Variants in RECQL observed in about 807,000 individuals in gnomAD.
RECQL encodes the protein RecQ like helicase.
Under a neutral mutation model 75.8 loss-of-function variants are expected in RECQL, and 73 were observed. The ratio of observed to expected loss-of-function variants is 0.96; its 90% CI spans 0.80 to 1.17. RECQL has a LOEUF of 1.17. Among genes scored for constraint, RECQL ranks in the 50% most tolerant of loss-of-function variants. RECQL has a pLI of 0.00. For missense variants in RECQL, 699 were observed against 772.1 expected (o/e 0.91, Z 1.12); for synonymous variants, 248 against 254.4 (o/e 0.97, Z 0.24).
Position 21,471,441 on chromosome 12 carries a change from G to A in RECQL, c.1654C>T (p.Gln552Ter), listed in dbSNP as rs1942959589. ...GTTTGTACATACTTAAGATACTGCT[G>A]TATTAGAAAGTGTGCAATAATCTTC... ...LEKIIAHFLI[Q>*]QYLKEDYSFT... Residue 552 changes from glutamine to a stop codon, truncating the protein, a stop_gained, in exon 13 of 15, where the codon CAG becomes TAG. Coordinates refer to ENST00000444129, the MANE Select transcript of RECQL (RefSeq NM_002907.4). LOFTEE classifies it high-confidence loss of function. 1.2e-6 allele frequency: 2 copies of A among 1,612,070 alleles called. No individual in the cohort carries two copies. The highest frequency in any genetic ancestry group is 2.2e-5 in the East Asian group (1 of 44,854).
chr12:21,469,999 A>G lies in RECQL; in HGVS notation c.*195T>C. 1 of 698,150 alleles carries G rather than the reference A, an allele frequency of 1.4e-6. No individual in the cohort carries two copies. Among genetic ancestry groups the G allele is most frequent in the Non-Finnish European group, 2.1e-6 (1 of 475,194 alleles). 43.2% of individuals were successfully genotyped at this position (698,150 alleles called of 1,614,324 possible). A position where few individuals can be genotyped will look rare whatever the true frequency, so the allele number is the denominator to read the frequency against. ...AAATTTTTCCCTTGTTTTATACTGG[A>G]AAATTATATAATTCATGATCTCTAA... On this transcript the variant is annotated 3_prime_UTR_variant, in exon 15 of 15. Transcript: ENST00000444129.
intron 5 of RECQL, among the ~76,000 whole-genome samples, chr12:21,485,208 T>A (rs1381244758): frequency 9.0e-6 from 1 of 110,642 alleles, no homozygotes; most frequent in Non-Finnish European, 1.9e-5. Context: ...AGTATACTCT[T>A]GCAAAAAAAA....
intron 2 of RECQL, among the ~76,000 whole-genome samples, chr12:21,494,758 A>G (rs1368992592): frequency 6.6e-6 from 1 of 152,182 alleles, no homozygotes; most frequent in African/African-American, 2.4e-5. Context: ...AAATACAGTC[A>G]TGAGCAGAGC....
At chr12:21,483,243 A>G in intron 6 of RECQL, 133 bp downstream of exon 6, 1 of 712,584 alleles carries the variant, frequency 1.4e-6, no homozygotes, top group Non-Finnish European at 2.3e-6. Flanking sequence ...GGTTCCGAAC[A>G]TTCTGGATAA....
chr12:21,486,331 G>C (rs1310814798), intron 5 of RECQL, 148 bp downstream of exon 5: 29 of 922,854 alleles, frequency 3.1e-5, no homozygotes, highest in Admixed American at 4.0e-5. Flanking sequence ...AAAATAGACA[G>C]TGGGCCAGAA....
chr12:21,481,600 C>T (rs150426738), intron 6 of RECQL, among the ~76,000 whole-genome samples: 274 of 152,054 alleles, frequency 1.8e-3, no homozygotes, highest in African/African-American at 6.2e-3. Flanking sequence ...GTATACATCC[C>T]GTTTAAGGCA....
At chr12:21,486,969 G>A (rs973849735) in intron 4 of RECQL, among the ~76,000 whole-genome samples, 12 of 151,934 alleles carry the variant, frequency 7.9e-5, no homozygotes, top group South Asian at 4.2e-4. Flanking sequence ...TACCACGCCC[G>A]GCCCATTCAC....
chr12:21,486,321 A>G (rs1943295347), intron 5 of RECQL, among the ~76,000 whole-genome samples, 158 bp downstream of exon 5: 1 of 152,166 alleles, frequency 6.6e-6, no homozygotes, highest in Non-Finnish European at 1.5e-5. Context: ...GGGACATACA[A>G]AAATAGACAG....
intron 2 of RECQL, among the ~76,000 whole-genome samples, chr12:21,496,420 G>C (rs774094972): frequency 2.6e-5 from 4 of 152,336 alleles, no homozygotes; most frequent in Non-Finnish European, 5.9e-5. Flanking sequence ...TGCTGAGCCA[G>C]CAATGTATCT....
chr12:21,477,972 GA>G lies in RECQL; in HGVS notation c.701-4del, dbSNP rs1424768811. On this transcript the variant is annotated splice_polypyrimidine_tract_variant and splice_region_variant and intron_variant, in intron 6 of 14. Coordinates refer to ENST00000444129, the MANE Select transcript of RECQL (RefSeq NM_002907.4). The stretch of plus-strand genomic sequence containing the variant: ...TAAGATACCAAGTGCCTTATAATCT[GA>G]AAAAACAAACAAAGTGGCCCTTTTT... The G allele has an allele frequency of 1.1e-5, 17 of 1,589,694 alleles. No individual in the cohort carries two copies. The highest frequency in any genetic ancestry group is 1.5e-5 in the Non-Finnish European group (17 of 1,171,536).
intron 9 of RECQL, 27 bp downstream of exon 9, chr12:21,475,649 G>A (rs1364282808): frequency 3.7e-6 from 6 of 1,610,538 alleles, no homozygotes; most frequent in African/African-American, 1.3e-5. Context: ...AGGTAAATTA[G>A]GCTTCTATGG....
At chr12:21,498,274 A>G (rs914158977) in intron 2 of RECQL, among the ~76,000 whole-genome samples, 3 of 152,224 alleles carry the variant, frequency 2.0e-5, no homozygotes, top group African/African-American at 7.2e-5. Flanking sequence ...CTGGACTAGT[A>G]GCCTCCAGGA....
intron 6 of RECQL, among the ~76,000 whole-genome samples, chr12:21,481,787 G>T (rs751778337): frequency 1.3e-5 from 2 of 152,086 alleles, no homozygotes; most frequent in Non-Finnish European, 2.9e-5. Context: ...CAGGAAGAGC[G>T]AAGGAGGTGA....
chr12:21,481,571 G>A (rs749488744), intron 6 of RECQL, among the ~76,000 whole-genome samples: 2 of 151,914 alleles, frequency 1.3e-5, no homozygotes, highest in South Asian at 4.1e-4. Flanking sequence ...AAGAAAAGAG[G>A]GGCCCTTAAT....
At chr12:21,475,358 C>A in intron 10 of RECQL, 110 bp downstream of exon 10, 1 of 708,070 alleles carries the variant, frequency 1.4e-6, no homozygotes. Flanking sequence ...ATACATTGTT[C>A]TAAAAATACT....
chr12:21,488,167 C>G (rs1465666961), intron 4 of RECQL, among the ~76,000 whole-genome samples: 1 of 152,138 alleles, frequency 6.6e-6, no homozygotes, highest in East Asian at 1.9e-4. Context: ...ATAGATGAGT[C>G]CTTTGTCATT....
chr12:21,483,814 A>T (rs981213185), intron 5 of RECQL, among the ~76,000 whole-genome samples: 3 of 152,164 alleles, frequency 2.0e-5, no homozygotes, highest in African/African-American at 7.2e-5. Flanking sequence ...AAAAAAACTC[A>T]CTTGACAAAA....
intron 2 of RECQL, among the ~76,000 whole-genome samples, chr12:21,494,106 G>GGA (rs1413106120): frequency 2.0e-5 from 3 of 152,170 alleles, no homozygotes; most frequent in African/African-American, 7.2e-5. Context: ...AAGGGGGGCA[G>GGA]GTGTGTCACA....
chr12:21,477,300 T>A (rs1943105529), intron 7 of RECQL, among the ~76,000 whole-genome samples: 1 of 152,194 alleles, frequency 6.6e-6, no homozygotes, highest in Non-Finnish European at 1.5e-5. Context: ...AATAACTCTT[T>A]AATGAAAACT....
Sources: gnomAD v4.1 joint callset for allele counts (sites outside exome capture counted in the v4.1 genomes callset) on GRCh38, gnomAD v4.1.1 for gene constraint, MANE v1.5 for transcripts, NCBI Gene and HGNC (gene_info 2026-07-23, HGNC 2026-07-21) for gene names.